FBXO16: variants seen among roughly 807,000 people sequenced by gnomAD.
FBXO16 encodes the protein F-box only protein 16.
A neutral mutation model predicts 41.0 loss-of-function variants in FBXO16; 31 were observed. That is an observed-to-expected ratio of 0.76 (90% CI 0.57 to 1.02). The LOEUF (loss-of-function observed/expected upper bound fraction) is 1.02. Among genes scored for constraint, FBXO16 ranks in the 50% least tolerant of loss-of-function variants. The pLI is 0.00. For missense variants in FBXO16, 361 were observed against 346.2 expected, an observed-to-expected ratio of 1.04 and a Z score of -0.34; for synonymous variants, 133 against 117.8, an observed-to-expected ratio of 1.13 and a Z score of -0.84.
intron 7 of FBXO16, among the ~76,000 whole-genome samples, chr8:28,438,743 T>G (rs1360405651): frequency 6.6e-6 from 1 of 152,200 alleles, no homozygotes; most frequent in African/African-American, 2.4e-5. Context: ...ATCACCAGAC[T>G]ACTAAAATAG....
intron 5 of FBXO16, among the ~76,000 whole-genome samples, chr8:28,453,576 A>T (rs542308529): frequency 6.6e-6 from 1 of 152,022 alleles, no homozygotes; most frequent in East Asian, 1.9e-4. Flanking sequence ...GAAGCCATTA[A>T]GGGCTTAATT....
chr8:28,473,828 T>C lies in FBXO16; in HGVS notation c.100-21A>G, dbSNP rs1803375333. On this transcript the variant is annotated intron_variant, in intron 2 of 8. Coordinates refer to ENST00000380254, the MANE Select transcript of FBXO16 (RefSeq NM_172366.4). The stretch of plus-strand genomic sequence containing the variant: ...AATACCTACAGTAAGTAAAAAAGAA[T>C]ATGGTAATTTCATATACCATAGTTC... 2.5e-6 allele frequency: 4 copies of C among 1,576,478 alleles called. No homozygotes were observed. The East Asian group carries it at 9.0e-5, about 35-fold the overall frequency.
In FBXO16 at chr8:28,446,176, C is replaced by CTTTTTTTTT. The variant is rs11421643; in HGVS notation, c.843+986_843+994dup. Among the ~76,000 whole-genome samples, 46 of 83,054 alleles carry CTTTTTTTTT rather than the reference C, an allele frequency of 5.5e-4. 1 individual carries two copies. The highest frequency in any genetic ancestry group is 1.0e-3 in the South Asian group (2 of 1,996). The allele number at this position is 83,054 out of a possible 152,430, so 54.5% of individuals were successfully genotyped here. A position where few individuals can be genotyped will look rare whatever the true frequency, so the allele number is the denominator to read the frequency against. ...CAAAGTTACTTTAAATGCATTTTTC[C>CTTTTTTTTT]TTTTTTTTTTTTTTTTTTTTTTTGA... is the stretch of plus-strand genomic sequence containing the variant. On this transcript the variant is annotated intron_variant, in intron 7 of 8. Transcript: ENST00000380254.
At position 28,433,443 on chromosome 8, in the gene FBXO16, G is replaced by A. The variant is rs73572799; in HGVS notation, c.844-4040C>T. 9.2e-3 allele frequency among the ~76,000 whole-genome samples: 1,401 copies of A among 152,262 alleles called. 16 individuals carry two copies. Among genetic ancestry groups the A allele is most frequent in the African/African-American group, 0.031 (1,281 of 41,556 alleles). On this transcript the variant is annotated intron_variant, in intron 7 of 8. Coordinates refer to ENST00000380254, the MANE Select transcript of FBXO16 (RefSeq NM_172366.4). ...ATCTATTCAGCCCTCTTCTGAACTC[G>A]TATACTTGTGGTCCCATAGGTACCT...
chr8:28,468,062 A>G (rs1240129165), intron 3 of FBXO16, among the ~76,000 whole-genome samples: 1 of 152,178 alleles, frequency 6.6e-6, no homozygotes, highest in Non-Finnish European at 1.5e-5. Context: ...CAAAAAGTAG[A>G]TAATCCATGG....
chr8:28,463,414 GTA>G lies in FBXO16; in HGVS notation c.342+196_342+197del, dbSNP rs544606171. On this transcript the variant is annotated intron_variant, in intron 4 of 8. Transcript: ENST00000380254. ...TGTGTTTGTATGTATTTGTGTGTGT[GTA>G]TATGTATGTGTGTATATGTGTATGT... Among the ~76,000 whole-genome samples, 11 of 151,838 alleles carry G rather than the reference GTA, an allele frequency of 7.2e-5. No homozygotes were observed. The East Asian group carries it at 1.9e-3, about 27-fold the overall frequency.
At chr8:28,460,239 A>ATTTT (rs1803106896) in intron 4 of FBXO16, among the ~76,000 whole-genome samples, 1 of 92,402 alleles carries the variant, frequency 1.1e-5, no homozygotes, top group African/African-American at 6.3e-5. Context: ...ATATATATAT[A>ATTTT]TATATATTTT....
chr8:28,436,597 G>C (rs76727813), intron 7 of FBXO16, among the ~76,000 whole-genome samples: 3,345 of 152,246 alleles, frequency 0.022, 119 homozygotes, highest in African/African-American at 0.075. Flanking sequence ...AATAGGTAGG[G>C]ATGGTGCAAA....
chr8:28,444,637 C>A (rs932780096), intron 7 of FBXO16, among the ~76,000 whole-genome samples: 22 of 149,634 alleles, frequency 1.5e-4, no homozygotes, highest in Admixed American at 1.3e-3. Flanking sequence ...GCCACTTCGC[C>A]GAGCTAATTT....
chr8:28,429,833 G>C (rs1465629487), intron 7 of FBXO16, among the ~76,000 whole-genome samples: 2 of 152,168 alleles, frequency 1.3e-5, no homozygotes, highest in African/African-American at 4.8e-5. Context: ...ACACCTGCCT[G>C]AAGTGCTCTC....
rs751544400 is a variant in FBXO16 at position 28,463,606 on chromosome 8, C to T, written c.342+6G>A. The T allele has an allele frequency of 6.2e-7, 1 of 1,613,662 alleles. No individual in the cohort carries two copies. Among genetic ancestry groups the T allele is most frequent in the South Asian group, 1.1e-5 (1 of 90,940 alleles). On this transcript the variant is annotated splice_donor_region_variant and intron_variant, in intron 4 of 8. Coordinates refer to ENST00000380254, the MANE Select transcript of FBXO16 (RefSeq NM_172366.4). Reference sequence around the variant, plus strand: ...AAAACACCACATACCCCTTCCTTGCCTTTACCTGTGCACAACGACAAAGGC... The same window carrying T: ...AAAACACCACATACCCCTTCCTTGCTTTTACCTGTGCACAACGACAAAGGC...
chr8:28,451,848 G>C, intron 6 of FBXO16, among the ~76,000 whole-genome samples: 1 of 152,000 alleles, frequency 6.6e-6, no homozygotes, highest in South Asian at 2.1e-4. Flanking sequence ...GCTGGGCATC[G>C]TGGCGGTCGC....
intron 1 of FBXO16, among the ~76,000 whole-genome samples, chr8:28,488,767 C>T (rs1475646438): frequency 6.6e-6 from 1 of 152,102 alleles, no homozygotes. Context: ...CAGCTCAAAA[C>T]CTTCAGAGGT....
At chr8:28,443,969 C>T (rs991675989) in intron 7 of FBXO16, among the ~76,000 whole-genome samples, 1 of 152,144 alleles carries the variant, frequency 6.6e-6, no homozygotes, top group Non-Finnish European at 1.5e-5. Flanking sequence ...CCATAAAAAT[C>T]GGCAACCAGC....
intron 7 of FBXO16, among the ~76,000 whole-genome samples, chr8:28,445,773 T>C (rs954296041): frequency 4.6e-5 from 7 of 152,146 alleles, no homozygotes; most frequent in Admixed American, 1.3e-4. Context: ...TTTTGCAACA[T>C]AACACTTGAA....
rs762040354 is a variant in FBXO16, at chr8:28,456,860, C to T, written c.413G>A (p.Trp138Ter). Residue 138 changes from tryptophan (W) to a stop codon, truncating the protein, a stop_gained, in exon 5 of 9, where the codon TGG (tryptophan) becomes TAG (stop). Coordinates refer to ENST00000380254, the MANE Select transcript of FBXO16 (RefSeq NM_172366.4). LOFTEE classifies it high-confidence loss of function. ...LWMLKCLRFN[W>*]YINFSPTPFE... ...GGGAGTTGGAGAGAAATTGATGTAC[C>T]AGTTAAACCGTAAACATTTCAGCAT... is the stretch of plus-strand genomic sequence containing the variant. 1.9e-6 allele frequency: 3 copies of T among 1,614,012 alleles called. No homozygotes were observed. In the African/African-American group the frequency reaches 4.0e-5, roughly 22 times the overall value.
intron 7 of FBXO16, among the ~76,000 whole-genome samples, chr8:28,430,638 T>G (rs942731239): frequency 6.6e-6 from 1 of 152,190 alleles, no homozygotes; most frequent in Non-Finnish European, 1.5e-5. Context: ...AACAGGAAGC[T>G]TCCTCTATGC....
chr8:28,464,429 T>G (rs1266607848), intron 3 of FBXO16, among the ~76,000 whole-genome samples: 1 of 152,172 alleles, frequency 6.6e-6, no homozygotes, highest in African/African-American at 2.4e-5. Context: ...GAGATTACCC[T>G]GAACAACACC....
At chr8:28,460,347 TTAAG>T (rs542190245) in intron 4 of FBXO16, among the ~76,000 whole-genome samples, 4,293 of 121,002 alleles carry the variant, frequency 0.035, 234 homozygotes, top group African/African-American at 0.13. Flanking sequence ...CCCCCCAGCC[TTAAG>T]CAAGCAATCT....
Sources: allele counts gnomAD v4.1 joint callset (sites outside exome capture counted in the v4.1 genomes callset), GRCh38; gene constraint gnomAD v4.1.1; transcripts MANE v1.5; gene names NCBI Gene and HGNC (gene_info 2026-07-23, HGNC 2026-07-21).